CHAF1A: variants seen among roughly 807,000 people sequenced by gnomAD.
The protein encoded by CHAF1A is CAF-1 subunit A.
Under a neutral mutation model 93.2 loss-of-function variants are expected in CHAF1A, and 5 were observed. The ratio of observed to expected loss-of-function variants is 0.05; its 90% CI spans 0.03 to 0.11. CHAF1A has a LOEUF of 0.11. Ranked by LOEUF, CHAF1A falls within the 10% of genes least tolerant of loss-of-function variation. The pLI is 1.00. For synonymous variants in CHAF1A, 504 were observed against 510.3 expected, an observed-to-expected ratio of 0.99 and a Z score of 0.17; for missense variants, 1,102 against 1,259.9, an observed-to-expected ratio of 0.87 and a Z score of 1.90.
chr19:4,427,960 G>A (rs978240371), intron 7 of CHAF1A, among the ~76,000 whole-genome samples: 1 of 152,182 alleles, frequency 6.6e-6, no homozygotes, highest in African/African-American at 2.4e-5. Context: ...CTGACCTCAG[G>A]TGATCCGCCC....
rs996362791 is a variant in CHAF1A, at chr19:4,424,644, A to AT, written c.1377+778dup. ...CATGCCTGGCTAATTTTTTATTTTT[A>AT]TTTTTTTTGAGATGGAGTCTCACTC... is the stretch of plus-strand genomic sequence containing the variant. On this transcript the variant is annotated intron_variant, in intron 7 of 14. Coordinates refer to ENST00000301280, the MANE Select transcript of CHAF1A (RefSeq NM_005483.3). 1.1e-3 allele frequency among the ~76,000 whole-genome samples: 164 copies of AT among 150,960 alleles called. 1 individual carries two copies. The highest frequency in any genetic ancestry group is 3.8e-3 in the African/African-American group (156 of 41,120).
At chr19:4,440,955 C>G (rs535930498) in intron 13 of CHAF1A, among the ~76,000 whole-genome samples, 15 of 147,258 alleles carry the variant, frequency 1.0e-4, no homozygotes, top group African/African-American at 3.3e-4. Context: ...CCCGTCTGTA[C>G]TAAAAATACA....
In CHAF1A at chr19:4,433,260, C is replaced by T; in HGVS notation, c.2394C>T (p.Leu798=). ...EDAAIPSKSR[L]KRLISENSVY... ...CCGCCATCCCCTCTAAGTCCCGGCT[C>T]AAGCGGCTCATTTCCGAGAACTCAG... The change falls in exon 13 of 15, where the codon CTC becomes CTT. Residue 798 remains leucine, a synonymous_variant. Transcript: ENST00000301280. This position sits in a 1 kb window ranked among gnomAD's most constrained non-coding sequence, Gnocchi z 5.6. 1 of 1,614,228 alleles carries T rather than the reference C, an allele frequency of 6.2e-7. No individual in the cohort carries two copies. The highest frequency in any genetic ancestry group is 8.5e-7 in the Non-Finnish European group (1 of 1,180,046).
intron 10 of CHAF1A, 184 bp downstream of exon 10, chr19:4,429,972 C>G: frequency 3.4e-6 from 2 of 591,374 alleles, no homozygotes; most frequent in Non-Finnish European, 5.9e-6. Context: ...CTCGAAAAAT[C>G]TCATCTGGTG....
intron 3 of CHAF1A, 91 bp downstream of exon 3, chr19:4,409,850 C>A: frequency 1.4e-6 from 2 of 1,459,858 alleles, no homozygotes; most frequent in Non-Finnish European, 9.2e-7. Context: ...TGTTTTGTGG[C>A]AGAGTGAGCG....
intron 13 of CHAF1A, among the ~76,000 whole-genome samples, chr19:4,440,242 C>T (rs1450586260): frequency 1.3e-5 from 2 of 152,098 alleles, no homozygotes; most frequent in East Asian, 3.9e-4. Context: ...TAAGCACTGA[C>T]GTGGAGGCTC....
rs1352763931 is a variant in CHAF1A at position 4,442,159 on chromosome 19, C to T, written c.2674-86C>T. On this transcript the variant is annotated intron_variant, in intron 13 of 14. Transcript: ENST00000301280. The stretch of plus-strand genomic sequence containing the variant: ...TGTTGGGGGTGGGAGGAAGGTGTCA[C>T]ACCTGTGGAGTTCCCCCCGCTACCG... 8 of 1,074,962 alleles carry T rather than the reference C, an allele frequency of 7.4e-6. No homozygotes were observed. In the African/African-American group the frequency reaches 1.2e-4, roughly 17 times the overall value. The allele number at this position is 1,074,962 out of a possible 1,614,324, so 66.6% of individuals were successfully genotyped here. A position where few individuals can be genotyped will look rare whatever the true frequency, so the allele number is the denominator to read the frequency against.
chr19:4,407,338 T>C (rs1973699752), intron 2 of CHAF1A, among the ~76,000 whole-genome samples: 1 of 151,956 alleles, frequency 6.6e-6, no homozygotes, highest in African/African-American at 2.4e-5. Flanking sequence ...ATAGGTTCTT[T>C]GGGAAATTCA....
downstream of CHAF1A, chr19:4,447,627 T>G: frequency 6.2e-7 from 1 of 1,613,778 alleles, no homozygotes; most frequent in African/African-American, 1.3e-5. Flanking sequence ...TCCAGGTACC[T>G]GGGGTAGGTG....
downstream of CHAF1A, chr19:4,446,541 G>T (rs765248393): frequency 4.3e-6 from 7 of 1,612,038 alleles, no homozygotes; most frequent in Admixed American, 8.3e-5. Context: ...CTGTGAGGTT[G>T]AAGAAGTCCC....
At chr19:4,431,897 C>G (rs1476020570) in intron 11 of CHAF1A, 55 bp from the exon 12 acceptor site, 2 of 1,544,808 alleles carry the variant, frequency 1.3e-6, no homozygotes, top group Non-Finnish European at 1.7e-6. Context: ...CAAAAGAGTG[C>G]CCGGGCATAG....
rs746983454 is a variant in CHAF1A at position 4,409,413 on chromosome 19, G to A, written c.614G>A (p.Arg205Gln). The A allele has an allele frequency of 3.1e-6, 5 of 1,614,160 alleles. No homozygotes were observed. Among genetic ancestry groups the A allele is most frequent in the Admixed American group, 1.7e-5 (1 of 60,012 alleles). The change falls in exon 3 of 15, where the codon CGG becomes CAG. Residue 205 changes from arginine to glutamine, a missense_variant. Around this residue, in one of 6 missense-constraint regions of CHAF1A, gnomAD observed 379 missense variants for 365.7 expected, o/e 1.04. Coordinates refer to ENST00000301280, the MANE Select transcript of CHAF1A (RefSeq NM_005483.3). The part of the protein sequence containing the change: ...RRGDSQECSP[R>Q]SCPELTSGPR... ...GGCGACTCCCAGGAATGTTCGCCAC[G>A]GAGCTGCCCGGAGCTGACGAGTGGC... is the stretch of plus-strand genomic sequence containing the variant.
downstream of CHAF1A, chr19:4,446,771 C>T: frequency 6.2e-7 from 1 of 1,612,240 alleles, no homozygotes; most frequent in Non-Finnish European, 8.5e-7. Context: ...GACCCCCAAG[C>T]CGGGCCCTCC....
At chr19:4,405,397 C>T (rs1323922719) in intron 1 of CHAF1A, among the ~76,000 whole-genome samples, 3 of 152,268 alleles carry the variant, frequency 2.0e-5, no homozygotes, top group East Asian at 1.9e-4. Flanking sequence ...ATCACGAGGT[C>T]AGGAGTTCGA....
At chr19:4,439,528 G>A (rs932276) in intron 13 of CHAF1A, among the ~76,000 whole-genome samples, 54,213 of 151,972 alleles carry the variant, frequency 0.36, 10,083 homozygotes, top group Non-Finnish European at 0.42. Flanking sequence ...GAAGAGTGGT[G>A]ATTGCTCTGA....
Position 4,409,772 on chromosome 19 carries a change from C to T in CHAF1A, c.960+13C>T, listed in dbSNP as rs756138845. The T allele has an allele frequency of 6.3e-7, 1 of 1,593,682 alleles. No homozygotes were observed. Among genetic ancestry groups the T allele is most frequent in the Non-Finnish European group, 8.6e-7 (1 of 1,166,764 alleles). On this transcript the variant is annotated intron_variant, in intron 3 of 14. Coordinates refer to ENST00000301280, the MANE Select transcript of CHAF1A (RefSeq NM_005483.3). ...GCCCCTCCGCAGAGTGAGTATCTCCCATGGAGTCCCTGCACATCAGTGCTC... is the reference window on the plus strand; with the variant it reads ...GCCCCTCCGCAGAGTGAGTATCTCCTATGGAGTCCCTGCACATCAGTGCTC...
intron 8 of CHAF1A, chr19:4,429,098 C>A: frequency 1.7e-6 from 1 of 597,352 alleles, no homozygotes; most frequent in Non-Finnish European, 3.0e-6. Context: ...GTCTTCCCAG[C>A]TCCTCGTGGA....
chr19:4,438,354 T>TTTTTGTTTTG (rs139248002), intron 13 of CHAF1A, among the ~76,000 whole-genome samples: 36 of 150,886 alleles, frequency 2.4e-4, no homozygotes, highest in East Asian at 5.9e-4. Context: ...AGAAGAGGTT[T>TTTTTGTTTTG]TTTTGTTTTG....
chr19:4,436,616 C>T (rs1974287970), intron 13 of CHAF1A, among the ~76,000 whole-genome samples: 1 of 152,190 alleles, frequency 6.6e-6, no homozygotes. Context: ...ACTATGCAAG[C>T]AGTTTTCCAG....
Sources: gnomAD v4.1 joint callset for allele counts (sites outside exome capture counted in the v4.1 genomes callset) on GRCh38, gnomAD v4.1.1 for gene constraint, gnomAD v4.1.1 regional missense constraint, Gnocchi (gnomAD v3.1) non-coding constraint, MANE v1.5 for transcripts, NCBI Gene and HGNC (gene_info 2026-07-23, HGNC 2026-07-21) for gene names.